ROBO1: variants seen among roughly 807,000 people sequenced by gnomAD.
ROBO1 encodes the protein roundabout guidance receptor 1, also known as roundabout homolog 1.
A neutral mutation model predicts 195.9 loss-of-function variants in ROBO1; 149 were observed. That is an observed-to-expected ratio of 0.76 (90% CI 0.67 to 0.87). ROBO1 has a LOEUF of 0.87. Ranked by LOEUF, ROBO1 falls within the 40% of genes least tolerant of loss-of-function variation. The probability of loss-of-function intolerance (pLI) is 0.00; values close to 1 mark genes in which losing one functional copy is unlikely to be tolerated. For synonymous variants in ROBO1, 816 were observed against 733.2 expected, an observed-to-expected ratio of 1.11 and a Z score of -1.82; for missense variants, 1,933 against 2,068.3, an observed-to-expected ratio of 0.93 and a Z score of 1.27.
At chr3:78,599,400 C>A (rs1703038303) in intron 30 of ROBO1, among the ~76,000 whole-genome samples, 1 of 152,152 alleles carries the variant, frequency 6.6e-6, no homozygotes, top group Non-Finnish European at 1.5e-5. Context: ...ATACATTGAG[C>A]TTTATAGGAC....
intron 1 of ROBO1, among the ~76,000 whole-genome samples, chr3:79,657,715 C>T (rs1946209314): frequency 6.6e-6 from 1 of 152,012 alleles, no homozygotes; most frequent in Admixed American, 6.6e-5. Flanking sequence ...ATACTCTTCC[C>T]TTTTGCCAAT....
At chr3:79,539,148 C>T (rs1057295179) in intron 2 of ROBO1, among the ~76,000 whole-genome samples, 6 of 152,120 alleles carry the variant, frequency 3.9e-5, no homozygotes, top group Non-Finnish European at 7.4e-5. Flanking sequence ...CAAACAAATT[C>T]CTTATCAATT....
At chr3:79,074,914 C>T (rs1559640790) in intron 3 of ROBO1, among the ~76,000 whole-genome samples, 1 of 151,838 alleles carries the variant, frequency 6.6e-6, no homozygotes, top group Non-Finnish European at 1.5e-5. Context: ...ATTTCATTTT[C>T]TGTTTTATAA....
intron 4 of ROBO1, among the ~76,000 whole-genome samples, chr3:78,882,576 C>A (rs956642048): frequency 2.6e-5 from 4 of 152,148 alleles, no homozygotes; most frequent in Non-Finnish European, 5.9e-5. Context: ...ATCTTTCTGT[C>A]ACCTCGGGGA....
intron 3 of ROBO1, among the ~76,000 whole-genome samples, chr3:79,024,808 G>A (rs1378629889): frequency 1.3e-5 from 2 of 152,172 alleles, no homozygotes; most frequent in Non-Finnish European, 2.9e-5. Flanking sequence ...AACTGCATAT[G>A]ACGGTTACTT....
At chr3:78,884,880 G>GTGTGTGTGTT (rs2107301543) in intron 4 of ROBO1, among the ~76,000 whole-genome samples, 1 of 151,872 alleles carries the variant, frequency 6.6e-6, no homozygotes, top group Non-Finnish European at 1.5e-5. Context: ...GTGTGTGTGT[G>GTGTGTGTGTT]TGTGTGTGTG....
intron 2 of ROBO1, among the ~76,000 whole-genome samples, chr3:79,584,006 T>C (rs1266004967): frequency 6.6e-6 from 1 of 151,858 alleles, no homozygotes; most frequent in Non-Finnish European, 1.5e-5. Flanking sequence ...ATTGAAAAGA[T>C]AAAACATTCT....
intron 2 of ROBO1, among the ~76,000 whole-genome samples, chr3:79,317,884 TTA>T (rs894752122): frequency 9.2e-5 from 14 of 152,004 alleles, no homozygotes; most frequent in Admixed American, 2.6e-4. Flanking sequence ...ATGAAATGCA[TTA>T]TATATATATA....
At position 79,614,934 on chromosome 3, in the gene ROBO1, T is replaced by TGTAAAC. The variant is rs552142041; in HGVS notation, c.-50-24974_-50-24973insGTTTAC. On this transcript the variant is annotated intron_variant, in intron 1 of 30. Transcript: ENST00000464233. The stretch of plus-strand genomic sequence containing the variant: ...AAATAAAGAGTCTTATGTGGAAAAT[T>TGTAAAC]CACATTGTAAACCAAAAATAGAATT... Among the ~76,000 whole-genome samples the TGTAAAC allele has an allele frequency of 1.9e-3, 288 of 152,224 alleles. 2 individuals are homozygous for TGTAAAC. The highest frequency in any genetic ancestry group is 5.3e-3 in the African/African-American group (222 of 41,556).
intron 1 of ROBO1, among the ~76,000 whole-genome samples, chr3:79,755,371 C>A (rs1704330016): frequency 1.3e-5 from 2 of 152,002 alleles, no homozygotes; most frequent in African/African-American, 4.8e-5. Flanking sequence ...CAGCATCAAG[C>A]AAAAGAGTAC....
chr3:79,010,387 C>T (rs2077745788), intron 3 of ROBO1, among the ~76,000 whole-genome samples: 1 of 152,040 alleles, frequency 6.6e-6, no homozygotes, highest in African/African-American at 2.4e-5. Context: ...GGGCTAATAA[C>T]AACACATTCA....
At chr3:78,676,046 G>A (rs1708403504) in intron 10 of ROBO1, among the ~76,000 whole-genome samples, 1 of 152,138 alleles carries the variant, frequency 6.6e-6, no homozygotes, top group Admixed American at 6.5e-5. Flanking sequence ...AGCCACCGCT[G>A]CTGGTACCCA....
chr3:78,961,362 T>C (rs540937351), intron 3 of ROBO1, among the ~76,000 whole-genome samples: 1 of 152,344 alleles, frequency 6.6e-6, no homozygotes, highest in Admixed American at 6.5e-5. Context: ...ATGCTTGTTC[T>C]GACTTAGTTC....
chr3:78,784,669 T>C (rs945760244), intron 4 of ROBO1, among the ~76,000 whole-genome samples: 3 of 152,160 alleles, frequency 2.0e-5, no homozygotes, highest in Non-Finnish European at 2.9e-5. Context: ...TAAATGTATA[T>C]TTTATTTGTC....
intron 4 of ROBO1, among the ~76,000 whole-genome samples, chr3:78,825,871 T>A (rs560199276): frequency 6.6e-6 from 1 of 152,286 alleles, no homozygotes; most frequent in African/African-American, 2.4e-5. Context: ...TTTCATTAAA[T>A]AAAAGGAATG....
chr3:79,523,754 A>G (rs1488541140), intron 2 of ROBO1, among the ~76,000 whole-genome samples: 1 of 152,148 alleles, frequency 6.6e-6, no homozygotes, highest in East Asian at 1.9e-4. Flanking sequence ...GATTACAGGC[A>G]TGAGCCACTG....
chr3:79,236,490 A>T (rs2082409139), intron 2 of ROBO1, among the ~76,000 whole-genome samples: 1 of 152,220 alleles, frequency 6.6e-6, no homozygotes, highest in African/African-American at 2.4e-5. Context: ...ATAAAAATTA[A>T]CAACTTCCAA....
chr3:79,615,380 C>T (rs572174441), intron 1 of ROBO1, among the ~76,000 whole-genome samples: 25 of 152,256 alleles, frequency 1.6e-4, no homozygotes, highest in South Asian at 6.2e-4. Flanking sequence ...CAATGCACAA[C>T]GTACATGTAT....
At chr3:79,746,568 C>T (rs930647273) in intron 1 of ROBO1, among the ~76,000 whole-genome samples, 2 of 152,026 alleles carry the variant, frequency 1.3e-5, no homozygotes, top group East Asian at 1.9e-4. Context: ...CAATTTCTAC[C>T]TCACTTTTCC....
Sources: gnomAD v4.1 joint callset for allele counts (sites outside exome capture counted in the v4.1 genomes callset) on GRCh38, gnomAD v4.1.1 for gene constraint, MANE v1.5 for transcripts, NCBI Gene and HGNC (gene_info 2026-07-23, HGNC 2026-07-21) for gene names.